Variants in SLC25A21 observed in about 807,000 individuals in gnomAD.
The protein encoded by SLC25A21 is mitochondrial 2-oxodicarboxylate carrier.
In SLC25A21, 47 loss-of-function variants were observed where a neutral mutation model predicts 43.8. That is an observed-to-expected ratio of 1.07 (90% confidence interval 0.85 to 1.37). The LOEUF (loss-of-function observed/expected upper bound fraction) is 1.37, where lower values mean the gene tolerates loss of function less well. SLC25A21 is among the 40% of genes most tolerant of loss of function. The pLI, the probability that SLC25A21 is intolerant of heterozygous loss-of-function variation, is 0.00. For missense variants in SLC25A21, 352 were observed against 350.2 expected (o/e 1.00, Z -0.04); for synonymous variants, 131 against 121.3 (o/e 1.08, Z -0.52).
intron 1 of SLC25A21, among the ~76,000 whole-genome samples, chr14:36,909,660 T>C (rs1891629808): frequency 6.6e-6 from 1 of 152,192 alleles, no homozygotes; most frequent in Non-Finnish European, 1.5e-5. Flanking sequence ...TAGACTTGAA[T>C]GCAAAAGAGA....
At chr14:36,729,625 A>G in intron 4 of SLC25A21, 59 bp from the exon 5 acceptor site, 1 of 1,361,932 alleles carries the variant, frequency 7.3e-7, no homozygotes, top group South Asian at 1.3e-5. Context: ...AAACTCTTTA[A>G]TTGACTCAAA....
At chr14:36,839,474 G>T (rs979923753) in intron 2 of SLC25A21, among the ~76,000 whole-genome samples, 1 of 152,164 alleles carries the variant, frequency 6.6e-6, no homozygotes, top group Non-Finnish European at 1.5e-5. Context: ...CCTATAGTTC[G>T]ATTTAGTAAA....
rs1169671078 is a variant in SLC25A21, at chr14:36,683,785, A to C, written c.838+43T>G. 4.2e-6 allele frequency: 6 copies of C among 1,412,340 alleles called. No individual in the cohort carries two copies. The African/African-American group carries it at 7.2e-5, about 17-fold the overall frequency. The allele number at this position is 1,412,340 out of a possible 1,614,324, so 87.5% of individuals were successfully genotyped here. A position where few individuals can be genotyped will look rare whatever the true frequency, so the allele number is the denominator to read the frequency against. ...CAAATATCAAAAAAAGAGACGCTAG[A>C]ACAATAAAGAAGGAAGGATTAAATA... On this transcript the variant is annotated intron_variant, in intron 9 of 9. Transcript: ENST00000331299.
intron 7 of SLC25A21, among the ~76,000 whole-genome samples, chr14:36,702,979 C>A (rs1883347899): frequency 6.6e-6 from 1 of 152,166 alleles, no homozygotes; most frequent in Non-Finnish European, 1.5e-5. Context: ...AAAGATACCC[C>A]TTTTTACCAC....
chr14:36,793,922 A>G (rs1300325612), intron 3 of SLC25A21, among the ~76,000 whole-genome samples: 1 of 93,176 alleles, frequency 1.1e-5, no homozygotes, highest in Non-Finnish European at 2.3e-5. Context: ...CAGATCAGGA[A>G]AAAAAAAAAA....
intron 1 of SLC25A21, among the ~76,000 whole-genome samples, chr14:36,900,202 G>T (rs887850281): frequency 6.6e-6 from 1 of 151,964 alleles, no homozygotes; most frequent in Non-Finnish European, 1.5e-5. Flanking sequence ...TCTTTATGAT[G>T]CAAGAGGCAA....
chr14:36,991,872 G>T (rs1000391019), intron 1 of SLC25A21, among the ~76,000 whole-genome samples: 4 of 152,150 alleles, frequency 2.6e-5, no homozygotes, highest in African/African-American at 9.7e-5. Context: ...GTGCTTCTTG[G>T]ACTGTTTCAG....
At chr14:36,777,126 TG>T (rs996622935) in intron 3 of SLC25A21, among the ~76,000 whole-genome samples, 102 of 152,002 alleles carry the variant, frequency 6.7e-4, no homozygotes, top group Middle Eastern at 3.4e-3. Context: ...GGGGTGGTGG[TG>T]GGTGCCTGTA....
rs150233989 is a variant in SLC25A21 at position 36,859,544 on chromosome 14, G to A, written c.119+15412C>T. Among the ~76,000 whole-genome samples, 452 of 152,284 alleles carry A rather than the reference G, an allele frequency of 3.0e-3. 2 individuals are homozygous for A. The highest frequency in any genetic ancestry group is 0.01 in the African/African-American group (422 of 41,556). The stretch of plus-strand genomic sequence containing the variant: ...GCACTGGACTGGAGTTAAGAGGCTT[G>A]AACCTGAGCTGACAATGAACAGGAC... On this transcript the variant is annotated intron_variant, in intron 2 of 9. Transcript: ENST00000331299.
chr14:36,754,500 T>C (rs1291644029), intron 3 of SLC25A21, among the ~76,000 whole-genome samples: 1 of 152,122 alleles, frequency 6.6e-6, no homozygotes, highest in African/African-American at 2.4e-5. Context: ...AACACACAAT[T>C]TGATTTCATC....
At chr14:36,856,831 C>T (rs1041232405) in intron 2 of SLC25A21, among the ~76,000 whole-genome samples, 2 of 152,150 alleles carry the variant, frequency 1.3e-5, no homozygotes, top group Non-Finnish European at 2.9e-5. Flanking sequence ...ACATAGAAAA[C>T]ATGCAGTCAG....
chr14:36,917,813 A>G (rs1004304059), intron 1 of SLC25A21, among the ~76,000 whole-genome samples: 1 of 152,222 alleles, frequency 6.6e-6, no homozygotes, highest in Admixed American at 6.5e-5. Flanking sequence ...TTTTATCATC[A>G]GTAGAAAAGA....
chr14:36,803,216 C>G (rs1594601796), intron 3 of SLC25A21, among the ~76,000 whole-genome samples: 1 of 152,154 alleles, frequency 6.6e-6, no homozygotes, highest in Admixed American at 6.5e-5. Context: ...GGGTTGTAGA[C>G]AGAGCCAGTT....
intron 3 of SLC25A21, among the ~76,000 whole-genome samples, chr14:36,763,771 C>T (rs1040123850): frequency 2.0e-5 from 3 of 151,790 alleles, no homozygotes; most frequent in African/African-American, 7.3e-5. Flanking sequence ...TGGCTCATGC[C>T]TGTAATCCGA....
intron 2 of SLC25A21, among the ~76,000 whole-genome samples, chr14:36,838,452 A>C (rs753147055): frequency 2.6e-5 from 4 of 152,168 alleles, no homozygotes; most frequent in Non-Finnish European, 5.9e-5. Flanking sequence ...GCTTCTACTA[A>C]GATTGTGTAT....
At chr14:36,768,933 C>CAA (rs3061623) in intron 3 of SLC25A21, among the ~76,000 whole-genome samples, 52,748 of 125,556 alleles carry the variant, frequency 0.42, 10,202 homozygotes, top group East Asian at 0.67. Flanking sequence ...CTGTCTCTAC[C>CAA]AAAAAAAAAA....
chr14:37,091,465 T>G (rs774389471), intron 1 of SLC25A21, among the ~76,000 whole-genome samples: 3 of 149,934 alleles, frequency 2.0e-5, no homozygotes, highest in Non-Finnish European at 3.0e-5. Flanking sequence ...ACAACACTTC[T>G]GCACAATGGC....
chr14:36,695,087 A>G (rs1326326911), intron 7 of SLC25A21, among the ~76,000 whole-genome samples: 1 of 152,166 alleles, frequency 6.6e-6, no homozygotes, highest in Admixed American at 6.6e-5. Flanking sequence ...ATTTTTGCAT[A>G]AGGTATAAGG....
chr14:37,062,248 A>G (rs1032913003), intron 1 of SLC25A21, among the ~76,000 whole-genome samples: 1 of 152,202 alleles, frequency 6.6e-6, no homozygotes, highest in Non-Finnish European at 1.5e-5. Flanking sequence ...AGGCATTGGA[A>G]GTCAGGAAAG....
Sources: gnomAD v4.1 joint callset for allele counts (sites outside exome capture counted in the v4.1 genomes callset) on GRCh38, gnomAD v4.1.1 for gene constraint, MANE v1.5 for transcripts, NCBI Gene and HGNC (gene_info 2026-07-23, HGNC 2026-07-21) for gene names.